ST7: variants seen among roughly 807,000 people sequenced by gnomAD.
ST7 encodes suppressor of tumorigenicity 7 protein.
Under a neutral mutation model 78.7 loss-of-function variants are expected in ST7, and 28 were observed. The observed-to-expected ratio is 0.36, with a 90% CI of 0.26 to 0.49. The LOEUF is 0.49. ST7 is among the 20% of genes least tolerant of loss of function. The pLI is 0.99. For missense variants in ST7, 418 were observed against 696.0 expected, an observed-to-expected ratio of 0.60 and a Z score of 4.49; for synonymous variants, 247 against 249.6, an observed-to-expected ratio of 0.99 and a Z score of 0.10.
At chr7:117,221,883 T>C (rs747964976) in intron 14 of ST7, 40 bp from the exon 15 acceptor site, 1 of 1,569,524 alleles carries the variant, frequency 6.4e-7, no homozygotes, top group East Asian at 2.3e-5. Flanking sequence ...GAGTGCAGTT[T>C]ACTCCAGCCC....
chr7:116,999,808 CTTTTT>C (rs71148356), intron 1 of ST7, among the ~76,000 whole-genome samples: 1 of 104,442 alleles, frequency 9.6e-6, no homozygotes, highest in African/African-American at 3.8e-5. Flanking sequence ...AATTTTCTTT[CTTTTT>C]TTTTTTTTTT....
chr7:117,093,424 G>A (rs910596451), intron 1 of ST7, among the ~76,000 whole-genome samples: 7 of 152,136 alleles, frequency 4.6e-5, no homozygotes, highest in Non-Finnish European at 1.0e-4. Context: ...AAATCAGGCC[G>A]GGTGCAGTGG....
At chr7:117,223,084 C>T in intron 15 of ST7, 1 of 762,586 alleles carries the variant, frequency 1.3e-6, no homozygotes, top group South Asian at 1.5e-5. Flanking sequence ...GCAGCCCTTC[C>T]AAACTCTTCC....
chr7:117,030,752 T>G (rs1796432746), intron 1 of ST7, among the ~76,000 whole-genome samples: 1 of 152,162 alleles, frequency 6.6e-6, no homozygotes, highest in Non-Finnish European at 1.5e-5. Flanking sequence ...TGTAAATTAG[T>G]TCAGCCATTG....
chr7:117,192,591 TAAG>T (rs1214845366), intron 12 of ST7, among the ~76,000 whole-genome samples: 1 of 152,218 alleles, frequency 6.6e-6, no homozygotes, highest in African/African-American at 2.4e-5. Flanking sequence ...TGATAATTAT[TAAG>T]AATTTTGATA....
At chr7:117,128,470 A>G (rs572474265) in intron 3 of ST7, 1 of 151,912 alleles carries the variant, frequency 6.6e-6, no homozygotes, top group Non-Finnish European at 1.5e-5. Context: ...GACAAAGATC[A>G]TTTTCTAAAT....
intron 1 of ST7, among the ~76,000 whole-genome samples, chr7:117,059,127 G>A (rs1351912262): frequency 6.6e-6 from 1 of 152,180 alleles, no homozygotes; most frequent in African/African-American, 2.4e-5. Context: ...GTATTTGCCA[G>A]CACAATGAGG....
At chr7:117,118,714 C>T (rs895917928) in intron 2 of ST7, among the ~76,000 whole-genome samples, 1 of 152,052 alleles carries the variant, frequency 6.6e-6, no homozygotes, top group Non-Finnish European at 1.5e-5. Context: ...GGGGGAGAAC[C>T]GCTTTGAGCA....
intron 13 of ST7, among the ~76,000 whole-genome samples, chr7:117,212,163 G>A (rs912576461): frequency 9.2e-5 from 14 of 152,196 alleles, no homozygotes; most frequent in African/African-American, 3.4e-4. Flanking sequence ...AGAATGCCAC[G>A]AACCTTGAAG....
In ST7 at chr7:117,171,947, T is replaced by C. The variant is rs530978341; in HGVS notation, c.1078+971T>C. Among the ~76,000 whole-genome samples, 6 of 99,970 alleles carry C rather than the reference T, an allele frequency of 6.0e-5. No homozygotes were observed. In the East Asian group the frequency reaches 1.9e-3, roughly 32 times the overall value. The allele number at this position is 99,970 out of a possible 152,430, so 65.6% of individuals were successfully genotyped here. On this transcript the variant is annotated intron_variant, in intron 10 of 15. Transcript: ENST00000323984. The stretch of plus-strand genomic sequence containing the variant: ...CAGAGCAAACTATACCATTTGGGTC[T>C]TTTTTTTTTTTTTTTAAGAGAGATA...
chr7:117,120,772 T>C (rs1197413147), intron 3 of ST7, among the ~76,000 whole-genome samples: 1 of 152,216 alleles, frequency 6.6e-6, no homozygotes, highest in Non-Finnish European at 1.5e-5. Context: ...ATGGCTTTAT[T>C]GTAGTATCTC....
At chr7:117,013,704 TG>T (rs1795476980) in intron 1 of ST7, among the ~76,000 whole-genome samples, 1 of 152,150 alleles carries the variant, frequency 6.6e-6, no homozygotes, top group African/African-American at 2.4e-5. Context: ...GTTGCATGCC[TG>T]TAGTCCCAGC....
chr7:117,222,819 G>T (rs373576120), intron 15 of ST7: 1 of 1,467,816 alleles, frequency 6.8e-7, no homozygotes, highest in African/African-American at 1.4e-5. Flanking sequence ...AATCAGAAAG[G>T]ATGATTTCTA....
intron 1 of ST7, among the ~76,000 whole-genome samples, chr7:117,086,592 T>C (rs1219791846): frequency 6.6e-6 from 1 of 152,142 alleles, no homozygotes; most frequent in African/African-American, 2.4e-5. Context: ...GCTAGGAGCA[T>C]TTTTATTAGG....
At chr7:117,042,249 T>C (rs1021963674) in intron 1 of ST7, among the ~76,000 whole-genome samples, 5 of 152,244 alleles carry the variant, frequency 3.3e-5, no homozygotes, top group Non-Finnish European at 7.3e-5. Context: ...TAGTCTTTTG[T>C]ATGACCATAC....
chr7:117,187,193 A>G (rs1217814406), intron 10 of ST7, among the ~76,000 whole-genome samples: 2 of 152,226 alleles, frequency 1.3e-5, no homozygotes, highest in East Asian at 3.8e-4. Flanking sequence ...TAAACCAGCC[A>G]TGCAAGAATA....
intron 13 of ST7, among the ~76,000 whole-genome samples, chr7:117,215,256 A>G (rs1443115581): frequency 6.6e-6 from 1 of 152,172 alleles, no homozygotes. Flanking sequence ...ATGCCTCACT[A>G]AAAACAGATG....
rs573257714 is a variant in ST7 at position 117,046,196 on chromosome 7, AC to A, written c.152-53565del. 3.9e-4 allele frequency among the ~76,000 whole-genome samples: 59 copies of A among 152,140 alleles called. No individual in the cohort carries two copies. In the South Asian group the frequency reaches 0.012, roughly 31 times the overall value. On this transcript the variant is annotated intron_variant, in intron 1 of 15. Transcript: ENST00000323984. ...TTGACTGTGTCATGCTGCTTTTCTA[AC>A]AGCTCCACCATCACCTGTAGGGTGA...
chr7:117,076,142 C>T (rs1446450661), intron 1 of ST7, among the ~76,000 whole-genome samples: 1 of 152,210 alleles, frequency 6.6e-6, no homozygotes, highest in Non-Finnish European at 1.5e-5. Context: ...CTGATTAAAG[C>T]CTTCTTCCTT....
Sources: gnomAD v4.1 joint callset for allele counts (sites outside exome capture counted in the v4.1 genomes callset) on GRCh38, gnomAD v4.1.1 for gene constraint, MANE v1.5 for transcripts, NCBI Gene and HGNC (gene_info 2026-07-23, HGNC 2026-07-21) for gene names.